PLXNB1: variants seen among roughly 807,000 people sequenced by gnomAD.
The protein encoded by PLXNB1 is plexin B1.
In PLXNB1, 106 loss-of-function variants were observed where a neutral mutation model predicts 209.4. The observed-to-expected ratio is 0.51, with a 90% CI of 0.43 to 0.59. The LOEUF (loss-of-function observed/expected upper bound fraction) is 0.59. Ranked by LOEUF, PLXNB1 falls within the 20% of genes least tolerant of loss-of-function variation. PLXNB1 has a pLI of 0.00. For synonymous variants in PLXNB1, 1,167 were observed against 1,183.2 expected (o/e 0.99, Z 0.28); for missense variants, 2,357 against 2,853.2 (o/e 0.83, Z 3.96).
In PLXNB1 at chr3:48,413,927, G is replaced by A. The variant is rs1237113269; in HGVS notation, c.4354C>T (p.Arg1452Ter). 5 of 1,611,854 alleles carry A rather than the reference G, an allele frequency of 3.1e-6. No homozygotes were observed. The highest frequency in any genetic ancestry group is 1.1e-5 in the South Asian group (1 of 90,936). Residue 1452 changes from arginine to a stop codon, truncating the protein, a stop_gained, in exon 22 of 38, where the codon CGA becomes TGA. Coordinates refer to ENST00000296440, the MANE Select transcript of PLXNB1 (RefSeq NM_001130082.3). LOFTEE classifies it high-confidence loss of function. The surrounding 1 kb of genome is among the most constrained non-coding windows in gnomAD (Gnocchi z 5.4). ...TCAGGCAAAGAGTCAGGTGCCTCTC[G>A]GAGGGCATGGTGCCGTGGCAGGGGC... ...EQPLPRHHAL[R>*]EAPDSLPEFT...
rs1044075136 is a variant in PLXNB1 at position 48,419,596 on chromosome 3, G to C, written c.2690C>G (p.Thr897Ser). 1.2e-6 allele frequency: 2 copies of C among 1,610,060 alleles called. No individual in the cohort carries two copies. Among genetic ancestry groups the C allele is most frequent in the East Asian group, 4.5e-5 (2 of 44,822 alleles). ...LPSSLDYQYD[T>S]PGLWELEEAT... ...CCTCACCAGCTCCCAGAGCCCGGGG[G>C]TGTCATACTGGTAGTCGAGGCTGGA... The change falls in exon 11 of 38, where the codon ACC (threonine) becomes AGC (serine). Residue 897 changes from threonine (T) to serine (S), a missense_variant. Thr to Ser is a moderately conservative substitution (Grantham distance 58). Around this residue, in one of 7 missense-constraint regions of PLXNB1, gnomAD observed 410 missense variants for 401.0 expected, o/e 1.02. Coordinates refer to ENST00000296440, the MANE Select transcript of PLXNB1 (RefSeq NM_001130082.3). The surrounding 1 kb of genome is among the most constrained non-coding windows in gnomAD (Gnocchi z 5.7).
Position 48,410,611 on chromosome 3 carries a change from G to C in PLXNB1, c.5417-53C>G. On this transcript the variant is annotated intron_variant, in intron 29 of 37. Transcript: ENST00000296440. This position sits in a 1 kb window ranked among gnomAD's most constrained non-coding sequence, Gnocchi z 6.4. ...AGGGCTGGAAGATACCCTTCCCATAGTGGAGCCCATCTCCTCCTCCACAGG... is the reference window on the plus strand; with the variant it reads ...AGGGCTGGAAGATACCCTTCCCATACTGGAGCCCATCTCCTCCTCCACAGG... 1 of 1,455,720 alleles carries C rather than the reference G, an allele frequency of 6.9e-7. No individual in the cohort carries two copies. The highest frequency in any genetic ancestry group is 9.6e-7 in the Non-Finnish European group (1 of 1,039,344). 90.2% of individuals were successfully genotyped at this position (1,455,720 alleles called of 1,614,324 possible).
In PLXNB1 at chr3:48,405,030, G is replaced by A. The variant is rs934447146; in HGVS notation, c.6304-440C>T. Among the ~76,000 whole-genome samples, 4 of 152,126 alleles carry A rather than the reference G, an allele frequency of 2.6e-5. No homozygotes were observed. Among genetic ancestry groups the A allele is most frequent in the Non-Finnish European group, 5.9e-5 (4 of 68,020 alleles). On this transcript the variant is annotated intron_variant, in intron 37 of 37. Transcript: ENST00000296440. The surrounding 1 kb of genome is among the most constrained non-coding windows in gnomAD (Gnocchi z 5.0). ...ACCAAGGGAACCGGTAGGAACCGGA[G>A]GGCAGCAGCACTTGGGAAAACAGCT...
rs147828475 is a variant in PLXNB1, at chr3:48,422,885, G to A, written c.1170C>T (p.Val390=). 520 of 1,614,156 alleles carry A rather than the reference G, an allele frequency of 3.2e-4. No homozygotes were observed. Among genetic ancestry groups the A allele is most frequent in the African/African-American group, 3.1e-3 (236 of 75,050 alleles). The change falls in exon 4 of 38, where the codon GTC becomes GTT. Residue 390 remains valine, a synonymous_variant. Transcript: ENST00000296440. ...DHTPSPMASR[V]PLEATPILEW... ...CCAGAATTGGTGTGGCTTCCAGCGG[G>A]ACCCGGCTGGCCATGGGGCTGGGCG...
intron 27 of PLXNB1, 88 bp downstream of exon 27, chr3:48,412,150 G>A (rs2037726264): frequency 6.7e-7 from 1 of 1,503,398 alleles, no homozygotes; most frequent in Non-Finnish European, 9.2e-7. Context: ...TGGCACAAGT[G>A]TCCGAGCTGC....
rs931389611 is a variant in PLXNB1 at position 48,409,816 on chromosome 3, C to A, written c.5779-85G>T. ...CCTCAGACACCCCCCGGCACTGTGC[C>A]TGCACGAGCCCCACACCACCCCCAA... is the stretch of plus-strand genomic sequence containing the variant. On this transcript the variant is annotated intron_variant, in intron 32 of 37. Coordinates refer to ENST00000296440, the MANE Select transcript of PLXNB1 (RefSeq NM_001130082.3). This position sits in a 1 kb window ranked among gnomAD's most constrained non-coding sequence, Gnocchi z 5.8. 6.3e-7 allele frequency: 1 copy of A among 1,576,744 alleles called. No homozygotes were observed. Among genetic ancestry groups the A allele is most frequent in the Non-Finnish European group, 8.7e-7 (1 of 1,156,054 alleles).
At position 48,412,306 on chromosome 3, in the gene PLXNB1, T is replaced by C; in HGVS notation, c.5034-2A>G. On this transcript the variant is annotated splice_acceptor_variant, in intron 26 of 37. Coordinates refer to ENST00000296440, the MANE Select transcript of PLXNB1 (RefSeq NM_001130082.3). LOFTEE classifies it high-confidence loss of function. ...AGCTTCTCCACCACAGTCTCTGTCC[T>C]GAGATGATGGGAAAGGGGAGTGCCA... 6.2e-7 allele frequency: 1 copy of C among 1,613,958 alleles called. No homozygotes were observed. The highest frequency in any genetic ancestry group is 8.5e-7 in the Non-Finnish European group (1 of 1,179,954).
At position 48,409,830 on chromosome 3, in the gene PLXNB1, C is replaced by T. The variant is rs1486786084; in HGVS notation, c.5778+75G>A. 7.6e-6 allele frequency: 12 copies of T among 1,577,734 alleles called. No homozygotes were observed. Among genetic ancestry groups the T allele is most frequent in the African/African-American group, 5.4e-5 (4 of 74,204 alleles). The stretch of plus-strand genomic sequence containing the variant: ...CGGCACTGTGCCTGCACGAGCCCCA[C>T]ACCACCCCCAAATCCCACGAGTGGC... On this transcript the variant is annotated intron_variant, in intron 32 of 37. Coordinates refer to ENST00000296440, the MANE Select transcript of PLXNB1 (RefSeq NM_001130082.3). The surrounding 1 kb of genome is among the most constrained non-coding windows in gnomAD (Gnocchi z 5.8).
chr3:48,417,835 G>T lies in PLXNB1; in HGVS notation c.3374+76C>A. On this transcript the variant is annotated intron_variant, in intron 16 of 37. Coordinates refer to ENST00000296440, the MANE Select transcript of PLXNB1 (RefSeq NM_001130082.3). This position sits in a 1 kb window ranked among gnomAD's most constrained non-coding sequence, Gnocchi z 4.4. ...AGAGGGGGGCAGATGAGCGGTGGGT[G>T]GGAGGCCCCAAGCAGCAACGCCAAC... The T allele has an allele frequency of 6.9e-7, 1 of 1,442,234 alleles. No homozygotes were observed. Among genetic ancestry groups the T allele is most frequent in the Admixed American group, 1.9e-5 (1 of 51,936 alleles). 89.3% of individuals were successfully genotyped at this position (1,442,234 alleles called of 1,614,324 possible).
rs779304741 is a variant in PLXNB1, at chr3:48,404,231, A to G, written c.*255T>C. 4.4e-5 allele frequency: 22 copies of G among 494,510 alleles called. No individual in the cohort carries two copies. The highest frequency in any genetic ancestry group is 7.2e-5 in the Non-Finnish European group (20 of 278,684). The allele number at this position is 494,510 out of a possible 1,614,324, so 30.6% of individuals were successfully genotyped here. ...ACTCTCTGGAAGCCCTTAGTCCCCA[A>G]CTCCCTGCAGACCGGTGTCACAGGG... is the stretch of plus-strand genomic sequence containing the variant. On this transcript the variant is annotated 3_prime_UTR_variant, in exon 38 of 38. Transcript: ENST00000296440.
rs1245810636 is a variant in PLXNB1, at chr3:48,416,457, G to A, written c.3375-6C>T. ...CCCCGGTGATGCACACGAGGCTGTAGGCACAGGGCAGGCTAGGGGGTGCCA... is the reference window on the plus strand; with the variant it reads ...CCCCGGTGATGCACACGAGGCTGTAAGCACAGGGCAGGCTAGGGGGTGCCA... On this transcript the variant is annotated splice_region_variant and splice_polypyrimidine_tract_variant and intron_variant, in intron 16 of 37. Transcript: ENST00000296440. The surrounding 1 kb of genome is among the most constrained non-coding windows in gnomAD (Gnocchi z 4.1). The A allele has an allele frequency of 1.2e-6, 2 of 1,606,810 alleles. No homozygotes were observed. The highest frequency in any genetic ancestry group is 1.1e-5 in the South Asian group (1 of 90,622).
intron 34 of PLXNB1, among the ~76,000 whole-genome samples, chr3:48,407,879 T>C (rs922815151): frequency 6.6e-6 from 1 of 152,260 alleles, no homozygotes; most frequent in African/African-American, 2.4e-5. Flanking sequence ...ACATAGGGTC[T>C]ACCCTGGAGG....
rs1467336911 is a variant in PLXNB1 at position 48,409,284 on chromosome 3, G to C, written c.6087+45C>G. On this transcript the variant is annotated intron_variant, in intron 34 of 37. Coordinates refer to ENST00000296440, the MANE Select transcript of PLXNB1 (RefSeq NM_001130082.3). The surrounding 1 kb of genome is among the most constrained non-coding windows in gnomAD (Gnocchi z 5.8). The stretch of plus-strand genomic sequence containing the variant: ...GGAATCTGAGTGCACACACAGCACT[G>C]TCCACCCTCACCCATCCCCCCGTGT... 1.9e-6 allele frequency: 3 copies of C among 1,575,814 alleles called. No homozygotes were observed. The highest frequency in any genetic ancestry group is 1.7e-6 in the Non-Finnish European group (2 of 1,167,096).
chr3:48,429,693 G>T lies in PLXNB1; in HGVS notation c.-60+315C>A, dbSNP rs996353198. Among the ~76,000 whole-genome samples the T allele has an allele frequency of 9.9e-5, 15 of 151,964 alleles. No individual in the cohort carries two copies. The highest frequency in any genetic ancestry group is 3.6e-4 in the African/African-American group (15 of 41,376). On this transcript the variant is annotated intron_variant, in intron 1 of 37. Coordinates refer to ENST00000296440, the MANE Select transcript of PLXNB1 (RefSeq NM_001130082.3). The surrounding 1 kb of genome is among the most constrained non-coding windows in gnomAD (Gnocchi z 6.4). ...GGCGGTCGCCATGGCAACGCGGGTCGCCCGGAGGGGTGAGGAGTGAACCCC... is the reference window on the plus strand; with the variant it reads ...GGCGGTCGCCATGGCAACGCGGGTCTCCCGGAGGGGTGAGGAGTGAACCCC...
chr3:48,425,621 A>G (rs1575413260), intron 1 of PLXNB1, among the ~76,000 whole-genome samples: 1 of 152,102 alleles, frequency 6.6e-6, no homozygotes, highest in African/African-American at 2.4e-5. Context: ...CCAGGCCCCC[A>G]GCATGGCCTT....
Position 48,429,510 on chromosome 3 carries a change from C to T in PLXNB1, c.-60+498G>A, listed in dbSNP as rs1048629662. On this transcript the variant is annotated intron_variant, in intron 1 of 37. Coordinates refer to ENST00000296440, the MANE Select transcript of PLXNB1 (RefSeq NM_001130082.3). This position sits in a 1 kb window ranked among gnomAD's most constrained non-coding sequence, Gnocchi z 6.4. ...CGCCTGCCGGGCTGCCCTCCCCCCG[C>T]CCGCCGCCCGGGCCAGGCCGGAAGC... 1 of 151,552 alleles carries T rather than the reference C, an allele frequency of 6.6e-6. No homozygotes were observed. Among genetic ancestry groups the T allele is most frequent in the Non-Finnish European group, 1.5e-5 (1 of 67,848 alleles). 9.4% of individuals were successfully genotyped at this position (151,552 alleles called of 1,614,324 possible). A position where few individuals can be genotyped will look rare whatever the true frequency, so the allele number is the denominator to read the frequency against.
At position 48,424,056 on chromosome 3, in the gene PLXNB1, T is replaced by C; in HGVS notation, c.556A>G (p.Thr186Ala). The change falls in exon 3 of 38, where the codon ACC becomes GCC. Residue 186 changes from threonine to alanine, a missense_variant. Transcript: ENST00000296440. ...GGGTCGGGCGGCCACAGGGCCCGGG[T>C]TGTGATGGGTGGAATGCCACCCCCC... ...GVGGGIPPITTRALWPPDPQA... is the reference protein window; with the variant it reads ...GVGGGIPPITARALWPPDPQA... The C allele has an allele frequency of 6.3e-7, 1 of 1,589,374 alleles. No individual in the cohort carries two copies. Among genetic ancestry groups the C allele is most frequent in the South Asian group, 1.1e-5 (1 of 88,836 alleles).
Position 48,411,757 on chromosome 3 carries a change from C to T in PLXNB1, c.5247+106G>A. The T allele has an allele frequency of 7.6e-7, 1 of 1,311,730 alleles. No individual in the cohort carries two copies. Among genetic ancestry groups the T allele is most frequent in the Non-Finnish European group, 1.1e-6 (1 of 935,678 alleles). The allele number at this position is 1,311,730 out of a possible 1,614,324, so 81.3% of individuals were successfully genotyped here. On this transcript the variant is annotated intron_variant, in intron 28 of 37. Coordinates refer to ENST00000296440, the MANE Select transcript of PLXNB1 (RefSeq NM_001130082.3). This position sits in a 1 kb window ranked among gnomAD's most constrained non-coding sequence, Gnocchi z 4.0. ...CCAGAGGTCAACCCAGCTCTACATC[C>T]AGGTACCACATCAGAAGCTGGTGTC...
In PLXNB1 at chr3:48,413,137, T is replaced by C; in HGVS notation, c.4568A>G (p.Lys1523Arg). The C allele has an allele frequency of 1.9e-6, 3 of 1,613,502 alleles. No individual in the cohort carries two copies. Among genetic ancestry groups the C allele is most frequent in the Non-Finnish European group, 2.5e-6 (3 of 1,179,970 alleles). ...RKSKQALRDY[K>R]KVQIQLENLE... ...ATTCTCCAGCTGGATCTGAACCTTC[T>C]TATAGTCCCTCAGGGCCTGCTTGCT... Residue 1523 changes from lysine (K) to arginine (R), a missense_variant, in exon 24 of 38, where the codon AAG becomes AGG. Physicochemically the swap from Lys to Arg is conservative, Grantham distance 26. Transcript: ENST00000296440. The surrounding 1 kb of genome is among the most constrained non-coding windows in gnomAD (Gnocchi z 5.4).
Sources: allele counts gnomAD v4.1 joint callset (sites outside exome capture counted in the v4.1 genomes callset), GRCh38; gene constraint gnomAD v4.1.1; regional missense constraint gnomAD v4.1.1; non-coding constraint Gnocchi (gnomAD v3.1); transcripts MANE v1.5; gene names NCBI Gene and HGNC (gene_info 2026-07-23, HGNC 2026-07-21).